USP3: variants seen among roughly 807,000 people sequenced by gnomAD.
The protein encoded by USP3 is ubiquitin specific peptidase 3, also known as ubiquitin carboxyl-terminal hydrolase 3.
USP3 carries 20 observed loss-of-function variants against 72.3 expected under a neutral mutation model. The observed-to-expected ratio is 0.28, with a 90% CI of 0.19 to 0.40. USP3 has a LOEUF of 0.40. Ranked by LOEUF, USP3 falls within the 10% of genes least tolerant of loss-of-function variation. USP3 has a pLI of 1.00. For missense variants in USP3, 479 were observed against 633.9 expected (o/e 0.76, Z 2.62); for synonymous variants, 222 against 225.3 (o/e 0.99, Z 0.13).
intron 1 of USP3, among the ~76,000 whole-genome samples, chr15:63,508,326 G>T (rs766445478): frequency 2.6e-5 from 4 of 152,136 alleles, no homozygotes; most frequent in Non-Finnish European, 5.9e-5. Flanking sequence ...TTATGTTTCT[G>T]TAGAGACCTG....
At chr15:63,532,002 AAATG>A (rs2066083652) in intron 1 of USP3, among the ~76,000 whole-genome samples, 2 of 152,222 alleles carry the variant, frequency 1.3e-5, no homozygotes, top group Non-Finnish European at 2.9e-5. Flanking sequence ...ACTTATTAAA[AAATG>A]AATGAGTAGA....
intron 1 of USP3, chr15:63,530,582 G>C (rs938091041): frequency 2.1e-5 from 9 of 425,096 alleles, no homozygotes; most frequent in African/African-American, 1.9e-4. Flanking sequence ...CAAAGTGTTG[G>C]GACTACAGGC....
intron 3 of USP3, among the ~76,000 whole-genome samples, chr15:63,548,001 C>T (rs578097785): frequency 1.1e-4 from 17 of 150,722 alleles, no homozygotes; most frequent in African/African-American, 3.4e-4. Flanking sequence ...GTCCCAACTA[C>T]TTGGGAGGCT....
rs2067124274 is a variant in USP3, at chr15:63,588,699, C to T, written c.1216-3C>T. Reference sequence around the variant, plus strand: ...AATCTTTGACCGCATCTCTGTCCTCCAGGTGCTATGCTTACATTTGAAAAG... The same window carrying T: ...AATCTTTGACCGCATCTCTGTCCTCTAGGTGCTATGCTTACATTTGAAAAG... On this transcript the variant is annotated splice_polypyrimidine_tract_variant and splice_region_variant and intron_variant, in intron 12 of 14. Coordinates refer to ENST00000380324, the MANE Select transcript of USP3 (RefSeq NM_006537.4). This position sits in a 1 kb window ranked among gnomAD's most constrained non-coding sequence, Gnocchi z 4.6. 2.5e-6 allele frequency: 4 copies of T among 1,604,440 alleles called. No individual in the cohort carries two copies. The highest frequency in any genetic ancestry group is 3.4e-6 in the Non-Finnish European group (4 of 1,172,050).
intron 1 of USP3, among the ~76,000 whole-genome samples, chr15:63,530,944 G>C (rs1227459973): frequency 2.0e-5 from 3 of 152,154 alleles, no homozygotes; most frequent in Non-Finnish European, 4.4e-5. Flanking sequence ...TCTGTCATGT[G>C]GTTTACGTGC....
Position 63,544,553 on chromosome 15 carries a change from A to G in USP3, c.284+7397A>G. 1 of 584,090 alleles carries G rather than the reference A, an allele frequency of 1.7e-6. No individual in the cohort carries two copies. Among genetic ancestry groups the G allele is most frequent in the Non-Finnish European group, 3.0e-6 (1 of 330,540 alleles). 36.2% of individuals were successfully genotyped at this position (584,090 alleles called of 1,614,324 possible). A position where few individuals can be genotyped will look rare whatever the true frequency, so the allele number is the denominator to read the frequency against. The stretch of plus-strand genomic sequence containing the variant: ...AGGAAACGAGTGTTTCTAAAGTTAG[A>G]ATTTTTTAAAGGAAGTAAACCTACA... On this transcript the variant is annotated intron_variant, in intron 3 of 14. Transcript: ENST00000380324. This position sits in a 1 kb window ranked among gnomAD's most constrained non-coding sequence, Gnocchi z 4.2.
In USP3 at chr15:63,532,640, T is replaced by G. The variant is rs1296600080; in HGVS notation, c.92-7T>G. ...ATTGGTATATTGTGTATTTTTCTTT[T>G]TATTAGTGTGCCGGTCCAACAAAAG... On this transcript the variant is annotated splice_region_variant and splice_polypyrimidine_tract_variant and intron_variant, in intron 1 of 14. Transcript: ENST00000380324. The G allele has an allele frequency of 1.2e-6, 2 of 1,613,998 alleles. No homozygotes were observed. The highest frequency in any genetic ancestry group is 1.7e-5 in the Admixed American group (1 of 60,012).
intron 1 of USP3, among the ~76,000 whole-genome samples, chr15:63,514,677 GA>G (rs1383011742): frequency 6.6e-6 from 1 of 152,126 alleles, no homozygotes; most frequent in Admixed American, 6.5e-5. Flanking sequence ...TTGATGTTAA[GA>G]GGTCCCTAAA....
chr15:63,563,579 G>A (rs1305639755), intron 8 of USP3, among the ~76,000 whole-genome samples: 2 of 152,150 alleles, frequency 1.3e-5, no homozygotes, highest in African/African-American at 4.8e-5. Context: ...ACACCTAGCT[G>A]TCAGAGGAAT....
intron 9 of USP3, among the ~76,000 whole-genome samples, chr15:63,572,478 A>T (rs1021451831): frequency 6.6e-6 from 1 of 152,052 alleles, no homozygotes; most frequent in Non-Finnish European, 1.5e-5. Flanking sequence ...TTCTTCCCCA[A>T]TGCCATCTTT....
intron 1 of USP3, among the ~76,000 whole-genome samples, chr15:63,505,110 G>A (rs1274670270): frequency 1.3e-5 from 2 of 151,346 alleles, no homozygotes; most frequent in African/African-American, 4.8e-5. Context: ...CGGCAGGCGG[G>A]GACCCTGGCC....
intron 2 of USP3, among the ~76,000 whole-genome samples, chr15:63,534,387 T>C (rs1261618669): frequency 3.9e-5 from 6 of 152,154 alleles, no homozygotes; most frequent in African/African-American, 1.4e-4. Flanking sequence ...ATAGCATATA[T>C]GGGTTATAAA....
intron 3 of USP3, among the ~76,000 whole-genome samples, chr15:63,539,563 A>G (rs1458598122): frequency 6.6e-6 from 1 of 152,212 alleles, no homozygotes; most frequent in Non-Finnish European, 1.5e-5. Flanking sequence ...TTAACTAGAA[A>G]TGGGAATTGA....
At chr15:63,540,300 A>C (rs1487200933) in intron 3 of USP3, among the ~76,000 whole-genome samples, 1 of 152,160 alleles carries the variant, frequency 6.6e-6, no homozygotes, top group Non-Finnish European at 1.5e-5. Flanking sequence ...TTGTAGCTGA[A>C]TGTAATCTTT....
At chr15:63,506,866 C>A (rs960073104) in intron 1 of USP3, among the ~76,000 whole-genome samples, 3 of 152,174 alleles carry the variant, frequency 2.0e-5, no homozygotes, top group Admixed American at 2.0e-4. Flanking sequence ...AGTTTCGCAA[C>A]TTTGTGTGAG....
In USP3 at chr15:63,517,333, C is replaced by T. The variant is rs143217314; in HGVS notation, c.91+12503C>T. Among the ~76,000 whole-genome samples, 254 of 152,150 alleles carry T rather than the reference C, an allele frequency of 1.7e-3. 3 individuals carry two copies. In the East Asian group the frequency reaches 0.022, roughly 13 times the overall value. ...CACATATCCTCTTGCTATTGTTTTG[C>T]AGTATCTTCTCTTACCACTCCAGCA... On this transcript the variant is annotated intron_variant, in intron 1 of 14. Coordinates refer to ENST00000380324, the MANE Select transcript of USP3 (RefSeq NM_006537.4).
At chr15:63,514,561 C>G (rs181087366) in intron 1 of USP3, among the ~76,000 whole-genome samples, 125 of 152,000 alleles carry the variant, frequency 8.2e-4, no homozygotes, top group African/African-American at 2.9e-3. Flanking sequence ...ACTTTTTCCC[C>G]CTCCACTTTG....
At position 63,559,980 on chromosome 15, in the gene USP3, A is replaced by G. The variant is rs2066578761; in HGVS notation, c.647+10A>G. ...AAGGGGATAACAATGTGTGAGTTATAAGAGTATGTCCTTTCTGGCTTTGAG... is the reference window on the plus strand; with the variant it reads ...AAGGGGATAACAATGTGTGAGTTATGAGAGTATGTCCTTTCTGGCTTTGAG... On this transcript the variant is annotated intron_variant, in intron 7 of 14. Coordinates refer to ENST00000380324, the MANE Select transcript of USP3 (RefSeq NM_006537.4). The G allele has an allele frequency of 3.7e-6, 6 of 1,609,854 alleles. No homozygotes were observed. In the East Asian group the frequency reaches 1.1e-4, roughly 30 times the overall value.
chr15:63,521,592 G>A (rs937142165), intron 1 of USP3, among the ~76,000 whole-genome samples: 2 of 152,192 alleles, frequency 1.3e-5, no homozygotes, highest in Non-Finnish European at 2.9e-5. Flanking sequence ...GACATTTTTA[G>A]TCAAGTAGTA....
Sources: allele counts gnomAD v4.1 joint callset (sites outside exome capture counted in the v4.1 genomes callset), GRCh38; gene constraint gnomAD v4.1.1; non-coding constraint Gnocchi (gnomAD v3.1); transcripts MANE v1.5; gene names NCBI Gene and HGNC (gene_info 2026-07-23, HGNC 2026-07-21).